The following GPR158 variants were observed in gnomAD, a reference collection of about 807,000 sequenced individuals.
The protein encoded by GPR158 is G protein-coupled receptor 158.
A neutral mutation model predicts 78.2 loss-of-function variants in GPR158; 30 were observed. The ratio of observed to expected loss-of-function variants is 0.38; its 90% CI spans 0.29 to 0.52. The LOEUF (loss-of-function observed/expected upper bound fraction) is 0.52, where lower values mean the gene tolerates loss of function less well. Among genes scored for constraint, GPR158 ranks in the 20% least tolerant of loss-of-function variants. The pLI, the probability that GPR158 is intolerant of heterozygous loss-of-function variation, is 0.83. For synonymous variants in GPR158, 581 were observed against 591.1 expected (o/e 0.98, Z 0.25); for missense variants, 1,463 against 1,523.5 (o/e 0.96, Z 0.66).
At chr10:25,547,222 C>T (rs1464094334) in intron 5 of GPR158, among the ~76,000 whole-genome samples, 2 of 152,110 alleles carry the variant, frequency 1.3e-5, no homozygotes, top group African/African-American at 4.8e-5. Context: ...CCAACCTATG[C>T]TCTTCCGTGC....
intron 4 of GPR158, among the ~76,000 whole-genome samples, chr10:25,451,845 C>T (rs1835221750): frequency 6.6e-6 from 1 of 152,108 alleles, no homozygotes; most frequent in African/African-American, 2.4e-5. Context: ...CTCATTACCA[C>T]ATTTATTACT....
intron 2 of GPR158, among the ~76,000 whole-genome samples, chr10:25,268,183 A>G (rs1348372386): frequency 6.6e-6 from 1 of 152,158 alleles, no homozygotes; most frequent in Non-Finnish European, 1.5e-5. Flanking sequence ...TGAATACTCA[A>G]TAAAGTGAGC....
At chr10:25,502,628 C>A in intron 5 of GPR158, among the ~76,000 whole-genome samples, 1 of 152,064 alleles carries the variant, frequency 6.6e-6, no homozygotes, top group East Asian at 1.9e-4. Flanking sequence ...GTACAATGAG[C>A]AAACTAAGAG....
chr10:25,398,123 G>A (rs970036112), intron 3 of GPR158, among the ~76,000 whole-genome samples: 7 of 152,182 alleles, frequency 4.6e-5, no homozygotes, highest in African/African-American at 1.7e-4. Context: ...AGCTCCAGAT[G>A]AGAATGCAGC....
intron 2 of GPR158, among the ~76,000 whole-genome samples, chr10:25,296,847 G>T (rs997209309): frequency 2.6e-5 from 4 of 152,182 alleles, no homozygotes; most frequent in Non-Finnish European, 2.9e-5. Flanking sequence ...TTTTATTCCA[G>T]GCTGAATCCA....
intron 1 of GPR158, among the ~76,000 whole-genome samples, chr10:25,189,834 A>ATG (rs56205437): frequency 0.14 from 17,239 of 120,388 alleles, 1,639 homozygotes; most frequent in African/African-American, 0.28. Flanking sequence ...AAAGGAAAGC[A>ATG]TGTGTGTGTG....
chr10:25,580,223 T>C (rs891406651), intron 7 of GPR158, among the ~76,000 whole-genome samples: 4 of 152,256 alleles, frequency 2.6e-5, no homozygotes, highest in African/African-American at 9.6e-5. Context: ...AATTCCAGCA[T>C]TGATTACTCC....
At chr10:25,579,029 TA>T (rs145847545) in intron 7 of GPR158, among the ~76,000 whole-genome samples, 1 of 151,132 alleles carries the variant, frequency 6.6e-6, no homozygotes, top group East Asian at 1.9e-4. Context: ...AAAATAAAAA[TA>T]AAAAAATAAA....
chr10:25,471,316 C>A (rs1588878318), intron 5 of GPR158, among the ~76,000 whole-genome samples: 2 of 152,098 alleles, frequency 1.3e-5, no homozygotes, highest in South Asian at 4.2e-4. Flanking sequence ...GCATAGTATT[C>A]CATGGTGTAT....
At chr10:25,300,245 C>G (rs1229258746) in intron 2 of GPR158, among the ~76,000 whole-genome samples, 6 of 152,176 alleles carry the variant, frequency 3.9e-5, no homozygotes, top group Non-Finnish European at 8.8e-5. Flanking sequence ...CCCTGTCTTT[C>G]CCAGCTTTCT....
chr10:25,543,073 G>A (rs1252404297), intron 5 of GPR158, among the ~76,000 whole-genome samples: 15 of 152,034 alleles, frequency 9.9e-5, no homozygotes, highest in Admixed American at 6.6e-5. Context: ...TACCTGAGAG[G>A]AAAGCCTGGA....
At chr10:25,415,503 A>G (rs531284549) in intron 4 of GPR158, among the ~76,000 whole-genome samples, 1 of 152,182 alleles carries the variant, frequency 6.6e-6, no homozygotes, top group East Asian at 1.9e-4. Flanking sequence ...GATGGTAGCA[A>G]GTGTTGCGGA....
intron 2 of GPR158, among the ~76,000 whole-genome samples, chr10:25,302,295 A>G (rs1230373058): frequency 2.0e-5 from 3 of 148,646 alleles, no homozygotes; most frequent in Non-Finnish European, 3.0e-5. Flanking sequence ...CGTGTTAGCC[A>G]GGATGGTCTC....
At chr10:25,445,289 A>G (rs1337404979) in intron 4 of GPR158, among the ~76,000 whole-genome samples, 5 of 152,182 alleles carry the variant, frequency 3.3e-5, no homozygotes, top group Non-Finnish European at 5.9e-5. Context: ...TTCCTAGATA[A>G]GAAAGAGCAG....
intron 2 of GPR158, among the ~76,000 whole-genome samples, chr10:25,247,807 T>A (rs1278418398): frequency 2.7e-5 from 4 of 149,536 alleles, no homozygotes; most frequent in African/African-American, 9.8e-5. Context: ...GCAGCATGAT[T>A]TATAGTCCTT....
intron 2 of GPR158, among the ~76,000 whole-genome samples, chr10:25,365,725 G>A (rs557949264): frequency 6.6e-6 from 1 of 151,562 alleles, no homozygotes; most frequent in African/African-American, 2.4e-5. Context: ...GGGATAGTAT[G>A]GCTTAGTGTA....
intron 4 of GPR158, among the ~76,000 whole-genome samples, chr10:25,433,547 T>TTG (rs1554803583): frequency 0.051 from 4,957 of 96,510 alleles, 266 homozygotes; most frequent in African/African-American, 0.099. Context: ...TGTGTGTGTG[T>TTG]TGTGTGTGTG....
intron 7 of GPR158, among the ~76,000 whole-genome samples, chr10:25,575,030 A>G (rs115103816): frequency 0.015 from 2,311 of 150,798 alleles, 45 homozygotes; most frequent in African/African-American, 0.054. Context: ...TCACACCACT[A>G]CACTACAGTC....
At chr10:25,299,182 T>A (rs915183412) in intron 2 of GPR158, among the ~76,000 whole-genome samples, 19 of 152,226 alleles carry the variant, frequency 1.2e-4, no homozygotes, top group African/African-American at 4.6e-4. Context: ...GTAAAATGAT[T>A]ACTACAGTCA....
Sources: allele counts gnomAD v4.1 joint callset (sites outside exome capture counted in the v4.1 genomes callset), GRCh38; gene constraint gnomAD v4.1.1; transcripts MANE v1.5; gene names NCBI Gene and HGNC (gene_info 2026-07-23, HGNC 2026-07-21).